INSR: variants seen among roughly 807,000 people sequenced by gnomAD.
INSR encodes insulin receptor.
A neutral mutation model predicts 142.6 loss-of-function variants in INSR; 67 were observed. The observed-to-expected ratio is 0.47, with a 90% CI of 0.39 to 0.58. INSR has a LOEUF of 0.58. Ranked by LOEUF, INSR falls within the 20% of genes least tolerant of loss-of-function variation. The pLI is 0.00. For synonymous variants in INSR, 756 were observed against 743.1 expected, an observed-to-expected ratio of 1.02 and a Z score of -0.28; for missense variants, 1,248 against 1,833.2, an observed-to-expected ratio of 0.68 and a Z score of 5.83.
At chr19:7,155,540 C>CAAAA (rs57822054) in intron 9 of INSR, among the ~76,000 whole-genome samples, 5 of 103,052 alleles carry the variant, frequency 4.9e-5, no homozygotes, top group African/African-American at 1.3e-4. Context: ...TTCCATCTCT[C>CAAAA]AAAAAAAAAA....
chr19:7,119,727 CACACGCACAT>C lies in INSR; in HGVS notation c.3660-154_3660-145del. 1.1e-6 allele frequency: 1 copy of C among 909,376 alleles called. No homozygotes were observed. The highest frequency in any genetic ancestry group is 2.6e-5 in the East Asian group (1 of 38,788). The allele number at this position is 909,376 out of a possible 1,614,324, so 56.3% of individuals were successfully genotyped here. ...ACATGCAAACACACACATGCAAACA[CACACGCACAT>C]ACACGTGCACACACATGCAAATACA... On this transcript the variant is annotated intron_variant, in intron 20 of 21. Transcript: ENST00000302850. This position sits in a 1 kb window ranked among gnomAD's most constrained non-coding sequence, Gnocchi z 5.2.
At chr19:7,162,199 C>T (rs1423867364) in intron 9 of INSR, among the ~76,000 whole-genome samples, 2 of 151,348 alleles carry the variant, frequency 1.3e-5, no homozygotes, top group East Asian at 2.0e-4. Flanking sequence ...TGGTGGCAGG[C>T]GCCTGTAGTC....
chr19:7,261,163 C>T (rs542918355), intron 2 of INSR, among the ~76,000 whole-genome samples: 114 of 152,250 alleles, frequency 7.5e-4, no homozygotes, highest in African/African-American at 2.6e-3. Flanking sequence ...GCTGGCATTA[C>T]AAGCATGAGC....
rs1294439786 is a variant in INSR, at chr19:7,267,077, A to T, written c.652+268T>A. ...TTTATTGAAACACAGCCACAGTCATACATTTATGCATGCCTGTGGCTGCTT... is the reference window on the plus strand; with the variant it reads ...TTTATTGAAACACAGCCACAGTCATTCATTTATGCATGCCTGTGGCTGCTT... On this transcript the variant is annotated intron_variant, in intron 2 of 21. Coordinates refer to ENST00000302850, the MANE Select transcript of INSR (RefSeq NM_000208.4). This position sits in a 1 kb window ranked among gnomAD's most constrained non-coding sequence, Gnocchi z 6.3. 2.6e-5 allele frequency among the ~76,000 whole-genome samples: 4 copies of T among 152,086 alleles called. No homozygotes were observed. In the East Asian group the frequency reaches 7.7e-4, roughly 29 times the overall value.
intron 2 of INSR, among the ~76,000 whole-genome samples, chr19:7,228,511 C>A (rs1429264740): frequency 3.3e-5 from 5 of 152,182 alleles, no homozygotes; most frequent in Admixed American, 3.3e-4. Flanking sequence ...TGAGACTGGG[C>A]TGACCATATT....
intron 2 of INSR, among the ~76,000 whole-genome samples, chr19:7,251,196 CA>C (rs145283382): frequency 6.6e-6 from 1 of 151,478 alleles, no homozygotes; most frequent in Non-Finnish European, 1.5e-5. Flanking sequence ...CCCTGGGAGA[CA>C]AAAAAAATCA....
chr19:7,128,418 T>C (rs1224070095), intron 15 of INSR, among the ~76,000 whole-genome samples: 5 of 152,086 alleles, frequency 3.3e-5, no homozygotes, highest in Admixed American at 2.0e-4. Flanking sequence ...TTCACCATGT[T>C]GGCCAGGCTG....
At chr19:7,139,949 C>T (rs1057105207) in intron 13 of INSR, among the ~76,000 whole-genome samples, 1 of 151,742 alleles carries the variant, frequency 6.6e-6, no homozygotes, top group South Asian at 2.1e-4. Context: ...TTCAGCATCC[C>T]GAGGAGCAGC....
At position 7,122,556 on chromosome 19, in the gene INSR, T is replaced by C; in HGVS notation, c.3529+58A>G. On this transcript the variant is annotated intron_variant, in intron 19 of 21. Transcript: ENST00000302850. ...TAACGGCTCATTATAGACAACTTCC[T>C]TCTGAAATCAAACCTGGCCTGGGTC... is the stretch of plus-strand genomic sequence containing the variant. 4 of 1,589,852 alleles carry C rather than the reference T, an allele frequency of 2.5e-6. No individual in the cohort carries two copies. In the South Asian group the frequency reaches 4.4e-5, roughly 18 times the overall value.
chr19:7,200,778 C>T (rs570932109), intron 2 of INSR, among the ~76,000 whole-genome samples: 6 of 148,820 alleles, frequency 4.0e-5, no homozygotes, highest in Admixed American at 6.8e-5. Context: ...AAGGATTGCT[C>T]GAGTCCAGGA....
chr19:7,133,010 C>G (rs916008777), intron 13 of INSR, among the ~76,000 whole-genome samples: 2 of 151,884 alleles, frequency 1.3e-5, no homozygotes, highest in South Asian at 2.1e-4. Context: ...GCCTGTAATC[C>G]CAGCCCTATG....
At chr19:7,134,179 A>G (rs901210962) in intron 13 of INSR, among the ~76,000 whole-genome samples, 2 of 151,972 alleles carry the variant, frequency 1.3e-5, no homozygotes, top group African/African-American at 4.8e-5. Flanking sequence ...ACTCCATCTC[A>G]AAAAAAATAA....
intron 1 of INSR, among the ~76,000 whole-genome samples, chr19:7,285,541 C>T (rs1042668780): frequency 3.9e-5 from 6 of 152,108 alleles, no homozygotes; most frequent in African/African-American, 1.4e-4. Context: ...GAGGCTGAGG[C>T]AGGAGGATCG....
chr19:7,197,514 G>GTGTGT (rs1974787439), intron 2 of INSR, among the ~76,000 whole-genome samples: 6 of 26,946 alleles, frequency 2.2e-4, no homozygotes, highest in South Asian at 2.3e-3. Context: ...AGTGGGAGTG[G>GTGTGT]GGGTGTGTGT....
chr19:7,292,333 GC>G (rs1968513568), intron 1 of INSR, among the ~76,000 whole-genome samples: 1 of 150,834 alleles, frequency 6.6e-6, no homozygotes. Context: ...CTCGTGATCC[GC>G]CCGCCTCAGC....
intron 5 of INSR, among the ~76,000 whole-genome samples, chr19:7,171,995 T>A (rs954606559): frequency 6.7e-6 from 1 of 149,622 alleles, no homozygotes; most frequent in Non-Finnish European, 1.5e-5. Flanking sequence ...CACTGCAACC[T>A]CTGCCTCCCA....
intron 1 of INSR, chr19:7,268,555 C>CCCTA: frequency 1.0e-6 from 1 of 985,316 alleles, no homozygotes; most frequent in Non-Finnish European, 1.2e-6. Context: ...AAGATTCTGC[C>CCCTA]CCTACATCCC....
At chr19:7,129,912 A>AT (rs914684335) in intron 14 of INSR, among the ~76,000 whole-genome samples, 17 of 151,784 alleles carry the variant, frequency 1.1e-4, no homozygotes, top group Non-Finnish European at 1.9e-4. Flanking sequence ...TAATTTTTGT[A>AT]TTTTTTTGTG....
In INSR at chr19:7,171,076, GAGCAAAGT is replaced by G. The variant is rs1177523409; in HGVS notation, c.1269-333_1269-326del. Among the ~76,000 whole-genome samples, 3 of 152,286 alleles carry G rather than the reference GAGCAAAGT, an allele frequency of 2.0e-5. No homozygotes were observed. The East Asian group carries it at 5.8e-4, about 29-fold the overall frequency. The stretch of plus-strand genomic sequence containing the variant: ...AGGCACCTAAGCTGAGTTCAGGGAA[GAGCAAAGT>G]AGCCTGTTTTGGCCAATAGGTGACA... On this transcript the variant is annotated intron_variant, in intron 5 of 21. Transcript: ENST00000302850.
Sources: gnomAD v4.1 joint callset for allele counts (sites outside exome capture counted in the v4.1 genomes callset) on GRCh38, gnomAD v4.1.1 for gene constraint, Gnocchi (gnomAD v3.1) non-coding constraint, MANE v1.5 for transcripts, NCBI Gene and HGNC (gene_info 2026-07-23, HGNC 2026-07-21) for gene names.